ST13: variants seen among roughly 807,000 people sequenced by gnomAD.
ST13 encodes hsc70-interacting protein.
In ST13, 23 loss-of-function variants were observed where a neutral mutation model predicts 56.7. The ratio of observed to expected loss-of-function variants is 0.41; its 90% CI spans 0.29 to 0.57. The LOEUF is 0.57. Among genes scored for constraint, ST13 ranks in the 20% least tolerant of loss-of-function variants. ST13 has a pLI of 0.36. For missense variants in ST13, 369 were observed against 459.9 expected (o/e 0.80, Z 1.81); for synonymous variants, 132 against 142.4 (o/e 0.93, Z 0.52).
At chr22:40,850,622 C>T (rs1372487320) in intron 2 of ST13, among the ~76,000 whole-genome samples, 5 of 152,170 alleles carry the variant, frequency 3.3e-5, no homozygotes, top group Non-Finnish European at 1.5e-5. Flanking sequence ...GAACATCCAA[C>T]CCTAAATTCT....
At chr22:40,846,523 A>T (rs894649878) in intron 3 of ST13, among the ~76,000 whole-genome samples, 2 of 152,204 alleles carry the variant, frequency 1.3e-5, no homozygotes, top group Non-Finnish European at 2.9e-5. Context: ...TCAAAGTTTG[A>T]TTTGTATACA....
intron 8 of ST13, 28 bp from the exon 9 acceptor site, chr22:40,830,984 G>A (rs878913542): frequency 2.0e-6 from 3 of 1,470,070 alleles, no homozygotes; most frequent in South Asian, 2.3e-5. Flanking sequence ...AGCAAAATAA[G>A]CTTGCTCCAA....
intron 3 of ST13, 24 bp from the exon 4 acceptor site, chr22:40,844,933 A>G (rs769629055): frequency 1.3e-5 from 20 of 1,584,058 alleles, no homozygotes; most frequent in East Asian, 1.1e-4. Flanking sequence ...GAAAATGACA[A>G]TAAGACCTGC....
At chr22:40,850,778 T>C in intron 2 of ST13, 45 bp downstream of exon 2, 1 of 1,448,428 alleles carries the variant, frequency 6.9e-7, no homozygotes. Context: ...CTAAGAAATC[T>C]TATAGTACTT....
chr22:40,853,223 C>T (rs1233440019), intron 1 of ST13, among the ~76,000 whole-genome samples: 1 of 152,050 alleles, frequency 6.6e-6, no homozygotes, highest in Non-Finnish European at 1.5e-5. Flanking sequence ...ATTGTAAAGA[C>T]TTTGTAGGAA....
intron 8 of ST13, chr22:40,832,283 T>C: frequency 2.0e-6 from 1 of 498,564 alleles, no homozygotes; most frequent in Non-Finnish European, 4.0e-6. Flanking sequence ...TCTATTTGTT[T>C]CCTTGTTGTA....
At position 40,824,956 on chromosome 22, in the gene ST13, A is replaced by G. The variant is rs1033722642; in HGVS notation, c.*1582T>C. 2.6e-5 allele frequency: 4 copies of G among 152,192 alleles called. No individual in the cohort carries two copies. Among genetic ancestry groups the G allele is most frequent in the African/African-American group, 9.6e-5 (4 of 41,454 alleles). The allele number at this position is 152,192 out of a possible 1,614,324, so 9.4% of individuals were successfully genotyped here. A position where few individuals can be genotyped will look rare whatever the true frequency, so the allele number is the denominator to read the frequency against. On this transcript the variant is annotated 3_prime_UTR_variant, in exon 12 of 12. Coordinates refer to ENST00000216218, the MANE Select transcript of ST13 (RefSeq NM_003932.5). ...ATGTGGTATTTTAGAAATGTACTCC[A>G]TAGAATTTACTTCACTGCTCCTACC... is the stretch of plus-strand genomic sequence containing the variant.
At chr22:40,834,783 C>T (rs1368002932) in intron 7 of ST13, among the ~76,000 whole-genome samples, 1 of 152,226 alleles carries the variant, frequency 6.6e-6, no homozygotes. Flanking sequence ...GGATCAACAG[C>T]AATGCATGGG....
intron 7 of ST13, among the ~76,000 whole-genome samples, chr22:40,833,564 CAAAAA>C (rs138336): frequency 8.7e-6 from 1 of 115,410 alleles, no homozygotes. Flanking sequence ...GACTCCATCT[CAAAAA>C]AAAAAAAAAA....
chr22:40,832,309 T>C, intron 8 of ST13: 1 of 499,306 alleles, frequency 2.0e-6, no homozygotes, highest in Non-Finnish European at 3.8e-6. Flanking sequence ...GATACCCCCT[T>C]TTCTAATTTT....
chr22:40,856,360 C>T, intron 1 of ST13, 71 bp downstream of exon 1: 1 of 1,379,040 alleles, frequency 7.3e-7, no homozygotes. Flanking sequence ...CGGACCGAGC[C>T]AGGTCCAGCC....
intron 1 of ST13, among the ~76,000 whole-genome samples, chr22:40,852,859 G>A (rs549316183): frequency 6.6e-6 from 1 of 152,252 alleles, no homozygotes; most frequent in Non-Finnish European, 1.5e-5. Context: ...AAGACACAGG[G>A]TTTCTTACAC....
intron 1 of ST13, among the ~76,000 whole-genome samples, chr22:40,854,754 G>T (rs529821653): frequency 6.6e-6 from 1 of 152,220 alleles, no homozygotes; most frequent in East Asian, 1.9e-4. Flanking sequence ...TGGAATTTTA[G>T]AAAGAATTTA....
chr22:40,840,631 T>C lies in ST13; in HGVS notation c.377A>G (p.Asn126Ser), dbSNP rs1421643567. The C allele has an allele frequency of 2.2e-5, 35 of 1,609,710 alleles. No homozygotes were observed. Among genetic ancestry groups the C allele is most frequent in the Non-Finnish European group, 3.0e-5 (35 of 1,178,956 alleles). ...GTAGCAAAAAGATTACTCACCATCA[T>C]TTAGGGCTTCAATAGCAGCCACTTT... ...DKKVAAIEALNDGELQKAIDL... is the reference protein window; with the variant it reads ...DKKVAAIEALSDGELQKAIDL... Residue 126 changes from asparagine (N) to serine (S), a missense_variant, in exon 5 of 12, where the codon AAT (asparagine) becomes AGT (serine). By Grantham distance (46) the Asn-to-Ser change is conservative. Coordinates refer to ENST00000216218, the MANE Select transcript of ST13 (RefSeq NM_003932.5).
Position 40,848,265 on chromosome 22 carries a change from CA to C in ST13, c.244+28del, listed in dbSNP as rs775506773. On this transcript the variant is annotated intron_variant, in intron 3 of 11. Transcript: ENST00000216218. ...AACAAAGTATCACATCATAGGTTTT[CA>C]AATACAAACTAACTACCGTCTCCTC... 2.6e-6 allele frequency: 4 copies of C among 1,556,492 alleles called. No individual in the cohort carries two copies. In the African/African-American group the frequency reaches 5.4e-5, roughly 21 times the overall value.
chr22:40,827,263 T>C (rs750564845), intron 10 of ST13, 34 bp from the exon 11 acceptor site: 12 of 1,608,120 alleles, frequency 7.5e-6, no homozygotes, highest in Non-Finnish European at 9.4e-6. Context: ...CTAATCATAC[T>C]CCCAAATATT....
intron 8 of ST13, chr22:40,832,182 A>C (rs1340216820): frequency 4.2e-6 from 2 of 471,976 alleles, no homozygotes; most frequent in Non-Finnish European, 8.8e-6. Flanking sequence ...TAACTTCCAC[A>C]AGGTCTTCTT....
chr22:40,852,553 GAA>G (rs1358285475), intron 1 of ST13, among the ~76,000 whole-genome samples: 1 of 152,152 alleles, frequency 6.6e-6, no homozygotes, highest in African/African-American at 2.4e-5. Context: ...GGAATGAAAA[GAA>G]ACAGAATTTG....
At chr22:40,853,032 G>C (rs2057869656) in intron 1 of ST13, among the ~76,000 whole-genome samples, 2 of 152,122 alleles carry the variant, frequency 1.3e-5, no homozygotes, top group Non-Finnish European at 2.9e-5. Flanking sequence ...AACCCAAATT[G>C]AAAGTCTATA....
Sources: gnomAD v4.1 joint callset for allele counts (sites outside exome capture counted in the v4.1 genomes callset) on GRCh38, gnomAD v4.1.1 for gene constraint, MANE v1.5 for transcripts, NCBI Gene and HGNC (gene_info 2026-07-23, HGNC 2026-07-21) for gene names.